RAD51B: variants seen among roughly 807,000 people sequenced by gnomAD.
RAD51B encodes the protein RAD51 paralog B, also known as DNA repair protein RAD51 homolog 2.
RAD51B carries 38 observed loss-of-function variants against 42.2 expected under a neutral mutation model. The ratio of observed to expected loss-of-function variants is 0.90; its 90% CI spans 0.70 to 1.18. The LOEUF (loss-of-function observed/expected upper bound fraction) is 1.18, where lower values mean the gene tolerates loss of function less well. Ranked by LOEUF, RAD51B falls within the 50% of genes most tolerant of loss-of-function variation. RAD51B has a pLI of 0.00. For synonymous variants in RAD51B, 154 were observed against 145.2 expected (o/e 1.06, Z -0.43); for missense variants, 373 against 400.7 (o/e 0.93, Z 0.59).
intron 7 of RAD51B, among the ~76,000 whole-genome samples, chr14:67,956,433 G>A (rs2074548347): frequency 6.6e-6 from 1 of 152,100 alleles, no homozygotes; most frequent in Non-Finnish European, 1.5e-5. Flanking sequence ...ATTGCAGTGA[G>A]CCAGATCATG....
At chr14:68,459,150 A>G (rs1461888051) in intron 9 of RAD51B, among the ~76,000 whole-genome samples, 2 of 152,216 alleles carry the variant, frequency 1.3e-5, no homozygotes. Context: ...CTATGGCCTC[A>G]TTCCAGTCAC....
intron 7 of RAD51B, among the ~76,000 whole-genome samples, chr14:68,185,287 G>GA (rs1417478426): frequency 6.6e-6 from 1 of 152,192 alleles, no homozygotes; most frequent in African/African-American, 2.4e-5. Flanking sequence ...CAACATGTTA[G>GA]ATTTAGCCTT....
intron 4 of RAD51B, among the ~76,000 whole-genome samples, chr14:67,836,208 C>G (rs2041236002): frequency 6.6e-6 from 1 of 152,128 alleles, no homozygotes; most frequent in South Asian, 2.1e-4. Context: ...GCTGTAGGAT[C>G]TGTTTCTGAG....
intron 9 of RAD51B, among the ~76,000 whole-genome samples, chr14:68,432,729 T>C (rs1472803555): frequency 6.6e-6 from 1 of 152,248 alleles, no homozygotes; most frequent in Non-Finnish European, 1.5e-5. Context: ...TGTCTTTTAA[T>C]TGGAGCATTT....
Position 68,624,687 on chromosome 14 carries a change from G to A in RAD51B, c.1037-26094G>A, listed in dbSNP as rs184394528. On this transcript the variant is annotated intron_variant, in intron 10 of 11. Coordinates refer to the RAD51B transcript ENST00000488612. ...GTTCTCGGTGCTGTTGAAACTCAGC[G>A]CATGCGTGGGCAGTTCAGGAAAGTC... Among the ~76,000 whole-genome samples the A allele has an allele frequency of 1.4e-3, 209 of 152,224 alleles. 1 individual carries two copies. Among genetic ancestry groups the A allele is most frequent in the East Asian group, 1.2e-3 (6 of 5,176 alleles).
intron 7 of RAD51B, among the ~76,000 whole-genome samples, chr14:68,190,375 A>G (rs2079240468): frequency 1.3e-5 from 2 of 152,220 alleles, no homozygotes; most frequent in African/African-American, 2.4e-5. Flanking sequence ...TGAAAAGTAT[A>G]TATGGAAACA....
chr14:68,286,811 G>A (rs1051037032), intron 7 of RAD51B, among the ~76,000 whole-genome samples: 2 of 152,252 alleles, frequency 1.3e-5, no homozygotes, highest in African/African-American at 2.4e-5. Context: ...AGAAAGATGA[G>A]TCAGCTGAAG....
chr14:68,454,426 GA>G (rs35851761), intron 9 of RAD51B, among the ~76,000 whole-genome samples: 67,205 of 151,792 alleles, frequency 0.44, 15,825 homozygotes, highest in African/African-American at 0.61. Flanking sequence ...GTTTATTTGA[GA>G]AAAAAAACAA....
intron 10 of RAD51B, among the ~76,000 whole-genome samples, chr14:68,495,085 A>G (rs565753161): frequency 6.6e-6 from 1 of 152,296 alleles, no homozygotes; most frequent in Non-Finnish European, 1.5e-5. Flanking sequence ...GGCAGAGATT[A>G]TATAACTCCC....
At chr14:67,998,757 C>T (rs1207359725) in intron 7 of RAD51B, among the ~76,000 whole-genome samples, 1 of 152,144 alleles carries the variant, frequency 6.6e-6, no homozygotes, top group East Asian at 1.9e-4. Context: ...TCTAGATATT[C>T]AATGAGGTCT....
At chr14:68,596,470 A>G (rs920113545), downstream of RAD51B, among the ~76,000 whole-genome samples, 17 of 152,176 alleles carry the variant, frequency 1.1e-4, no homozygotes, top group Non-Finnish European at 2.5e-4. Flanking sequence ...GGGGAGAACA[A>G]TGGCCCTTCT....
chr14:68,218,626 C>T (rs1022909773), intron 7 of RAD51B, among the ~76,000 whole-genome samples: 27 of 152,148 alleles, frequency 1.8e-4, no homozygotes, highest in African/African-American at 6.3e-4. Context: ...ATAATTATGA[C>T]ATCAATATAT....
At chr14:68,567,364 C>T (rs866341746) in intron 10 of RAD51B, among the ~76,000 whole-genome samples, 8 of 152,254 alleles carry the variant, frequency 5.3e-5, no homozygotes, top group African/African-American at 1.7e-4. Flanking sequence ...CAAAATACAG[C>T]AGAAAGCACA....
intron 10 of RAD51B, among the ~76,000 whole-genome samples, chr14:68,493,478 A>C (rs1884242164): frequency 6.6e-6 from 1 of 152,214 alleles, no homozygotes; most frequent in Non-Finnish European, 1.5e-5. Flanking sequence ...CATACTAAAG[A>C]AGAGCCCCAA....
At chr14:68,609,450 G>T (rs1658244235) in intron 10 of RAD51B, among the ~76,000 whole-genome samples, 1 of 152,084 alleles carries the variant, frequency 6.6e-6, no homozygotes. Flanking sequence ...CCCCCTCAGA[G>T]CTCACTCACT....
intron 10 of RAD51B, among the ~76,000 whole-genome samples, chr14:68,633,626 T>G (rs1322375600): frequency 2.0e-5 from 3 of 152,214 alleles, no homozygotes; most frequent in Non-Finnish European, 4.4e-5. Flanking sequence ...TTCGCTTTCT[T>G]GTTTTTCTCC....
intron 7 of RAD51B, among the ~76,000 whole-genome samples, chr14:68,117,951 C>T (rs1021799288): frequency 2.0e-5 from 3 of 152,164 alleles, no homozygotes; most frequent in Non-Finnish European, 2.9e-5. Flanking sequence ...GACTTAAAGT[C>T]GCACTACATT....
intron 7 of RAD51B, among the ~76,000 whole-genome samples, chr14:68,091,172 G>A (rs530000274): frequency 1.3e-5 from 2 of 152,104 alleles, no homozygotes; most frequent in Non-Finnish European, 2.9e-5. Flanking sequence ...ACGTTTGCAT[G>A]TGTCTTTATA....
At chr14:68,295,897 G>C (rs904956298) in intron 8 of RAD51B, among the ~76,000 whole-genome samples, 5 of 152,052 alleles carry the variant, frequency 3.3e-5, no homozygotes, top group Admixed American at 6.6e-5. Flanking sequence ...CCAAATCCCA[G>C]TGTGTGTCTC....
Sources: allele counts gnomAD v4.1 joint callset (sites outside exome capture counted in the v4.1 genomes callset), GRCh38; gene constraint gnomAD v4.1.1; transcripts MANE v1.5; gene names NCBI Gene and HGNC (gene_info 2026-07-23, HGNC 2026-07-21).